Variants in DAB1 observed in about 807,000 individuals in gnomAD.
The protein encoded by DAB1 is disabled homolog 1.
In DAB1, 15 loss-of-function variants were observed where a neutral mutation model predicts 64.6. The ratio of observed to expected loss-of-function variants is 0.23; its 90% CI spans 0.16 to 0.36. DAB1 has a LOEUF of 0.36. DAB1 is among the 10% of genes least tolerant of loss of function. The pLI is 1.00. For synonymous variants in DAB1, 235 were observed against 251.9 expected (o/e 0.93, Z 0.64); for missense variants, 596 against 706.7 (o/e 0.84, Z 1.78).
At chr1:58,449,309 C>T (rs745716074) in intron 3 of DAB1, among the ~76,000 whole-genome samples, 1 of 152,186 alleles carries the variant, frequency 6.6e-6, no homozygotes, top group Non-Finnish European at 1.5e-5. Context: ...CCAGGTTACT[C>T]TGACCCTTTT....
intron 1 of DAB1, among the ~76,000 whole-genome samples, chr1:57,846,321 G>A (rs1653281363): frequency 6.6e-6 from 1 of 151,996 alleles, no homozygotes; most frequent in African/African-American, 2.4e-5. Context: ...AGCTGAGCGT[G>A]GTGGCAGGCA....
intron 6 of DAB1, among the ~76,000 whole-genome samples, chr1:57,702,352 G>A (rs1014117190): frequency 3.3e-5 from 5 of 151,950 alleles, no homozygotes; most frequent in African/African-American, 1.2e-4. Flanking sequence ...TTGAAGCTAT[G>A]GATATTTATA....
At chr1:57,531,463 T>C (rs1266034624) in intron 7 of DAB1, among the ~76,000 whole-genome samples, 4 of 152,140 alleles carry the variant, frequency 2.6e-5, no homozygotes, top group Non-Finnish European at 5.9e-5. Context: ...TGGTGGTCTC[T>C]TCACAGGGAC....
chr1:58,135,233 T>C (rs939253612), intron 5 of DAB1, among the ~76,000 whole-genome samples: 3 of 152,198 alleles, frequency 2.0e-5, no homozygotes, highest in Non-Finnish European at 4.4e-5. Context: ...GGACTGTCCA[T>C]GTCCTAAACC....
intron 4 of DAB1, among the ~76,000 whole-genome samples, chr1:58,263,536 A>G (rs10493246): frequency 0.016 from 2,410 of 152,286 alleles, 35 homozygotes; most frequent in Middle Eastern, 0.041. Flanking sequence ...ATTTTGCTAA[A>G]TCAATCTCTA....
At chr1:57,180,493 T>C (rs1244360419) in intron 2 of DAB1, among the ~76,000 whole-genome samples, 1 of 152,190 alleles carries the variant, frequency 6.6e-6, no homozygotes, top group Non-Finnish European at 1.5e-5. Flanking sequence ...AGAGCTCTGA[T>C]GGAGAGGTTT....
chr1:57,718,652 A>G (rs1357966671), intron 6 of DAB1, among the ~76,000 whole-genome samples: 4 of 152,184 alleles, frequency 2.6e-5, no homozygotes, highest in African/African-American at 9.6e-5. Flanking sequence ...GTTACAATAA[A>G]CAGAATCCAG....
chr1:57,902,332 A>C (rs1275855443), intron 5 of DAB1, among the ~76,000 whole-genome samples: 5 of 152,052 alleles, frequency 3.3e-5, no homozygotes, highest in Admixed American at 6.6e-5. Context: ...ACTGGAGAAT[A>C]ACTTGGCAAT....
intron 5 of DAB1, chr1:58,078,018 G>C (rs1054428544): frequency 3.9e-5 from 6 of 152,054 alleles, no homozygotes; most frequent in Admixed American, 2.6e-4. Context: ...ACTACCTTTG[G>C]GCATGCCTGC....
chr1:58,003,592 T>C (rs1255899877), intron 5 of DAB1, among the ~76,000 whole-genome samples: 5 of 152,214 alleles, frequency 3.3e-5, no homozygotes, highest in South Asian at 2.1e-4. Context: ...TTCTGCTCTT[T>C]GTGTGCTGAC....
intron 3 of DAB1, among the ~76,000 whole-genome samples, chr1:58,448,094 T>C (rs1179299544): frequency 1.3e-5 from 2 of 152,198 alleles, no homozygotes; most frequent in Non-Finnish European, 2.9e-5. Context: ...TATGTGTTTC[T>C]TTCCCTGAGG....
chr1:58,108,828 G>A (rs970038099), intron 5 of DAB1, among the ~76,000 whole-genome samples: 5 of 152,188 alleles, frequency 3.3e-5, no homozygotes, highest in African/African-American at 9.7e-5. Flanking sequence ...ACAAGTACAC[G>A]TAAAACACTG....
At chr1:57,571,448 T>C (rs946586689) in intron 7 of DAB1, among the ~76,000 whole-genome samples, 1 of 152,208 alleles carries the variant, frequency 6.6e-6, no homozygotes, top group Non-Finnish European at 1.5e-5. Flanking sequence ...GCACAGAGGA[T>C]AACCTTGCAA....
intron 5 of DAB1, among the ~76,000 whole-genome samples, chr1:57,973,626 T>A (rs1645850520): frequency 7.5e-6 from 1 of 133,850 alleles, no homozygotes; most frequent in Non-Finnish European, 1.6e-5. Flanking sequence ...CCATCTACCC[T>A]GTGACTCAAA....
At chr1:57,426,541 G>C (rs558198068), upstream of DAB1, among the ~76,000 whole-genome samples, 2 of 151,490 alleles carry the variant, frequency 1.3e-5, no homozygotes, top group East Asian at 3.9e-4. Flanking sequence ...ATTAAGTGTG[G>C]CATAAGAAAA....
At chr1:58,035,684 A>T (rs889248549) in intron 5 of DAB1, among the ~76,000 whole-genome samples, 1 of 152,236 alleles carries the variant, frequency 6.6e-6, no homozygotes, top group Non-Finnish European at 1.5e-5. Flanking sequence ...ATGATTGGAG[A>T]CTATGTAGTC....
At chr1:58,042,934 G>C (rs1401626110) in intron 5 of DAB1, among the ~76,000 whole-genome samples, 1 of 152,208 alleles carries the variant, frequency 6.6e-6, no homozygotes. Flanking sequence ...TTGGAGCCAG[G>C]AGAAGCTAGA....
At chr1:57,066,691 T>C (rs867247210) in intron 8 of DAB1, among the ~76,000 whole-genome samples, 7 of 152,156 alleles carry the variant, frequency 4.6e-5, no homozygotes, top group South Asian at 2.1e-4. Flanking sequence ...CATCTGAAAC[T>C]GACAACACGC....
At chr1:58,178,523 C>T (rs1171587512) in intron 4 of DAB1, among the ~76,000 whole-genome samples, 2 of 152,156 alleles carry the variant, frequency 1.3e-5, no homozygotes, top group East Asian at 1.9e-4. Context: ...TAAAGAAGAA[C>T]TGAGATAATA....
Sources: gnomAD v4.1 joint callset for allele counts (sites outside exome capture counted in the v4.1 genomes callset) on GRCh38, gnomAD v4.1.1 for gene constraint, MANE v1.5 for transcripts, NCBI Gene and HGNC (gene_info 2026-07-23, HGNC 2026-07-21) for gene names.